Variants in ZNF717 observed in about 807,000 individuals in gnomAD.
ZNF717 encodes the protein krueppel-like factor X17.
Under a neutral mutation model 13.8 loss-of-function variants are expected in ZNF717, and 9 were observed. The ratio of observed to expected loss-of-function variants is 0.65; its 90% CI spans 0.39 to 1.14. The LOEUF (loss-of-function observed/expected upper bound fraction) is 1.14. Ranked by LOEUF, ZNF717 falls within the 50% of genes most tolerant of loss-of-function variation. The pLI is 0.01. For synonymous variants in ZNF717, 327 were observed against 364.1 expected (o/e 0.90, Z 1.16); for missense variants, 1,040 against 1,080.7 (o/e 0.96, Z 0.53).
intron 6 of ZNF717, among the ~76,000 whole-genome samples, chr3:75,703,415 A>G (rs1313447978): frequency 6.6e-6 from 1 of 152,286 alleles, no homozygotes; most frequent in Non-Finnish European, 1.5e-5. Flanking sequence ...CTGTAATCGC[A>G]GCTACTTGGG....
chr3:75,735,489 T>C (rs1364086159), downstream of ZNF717, among the ~76,000 whole-genome samples: 1 of 152,114 alleles, frequency 6.6e-6, no homozygotes, highest in African/African-American at 2.4e-5. Flanking sequence ...GGTATTGTGG[T>C]GCATACTTGT....
chr3:75,759,536 T>C lies in ZNF717; in HGVS notation c.58-17800A>G, dbSNP rs541065182. Among the ~76,000 whole-genome samples the C allele has an allele frequency of 5.3e-5, 8 of 152,256 alleles. No individual in the cohort carries two copies. The South Asian group carries it at 1.7e-3, about 32-fold the overall frequency. The stretch of plus-strand genomic sequence containing the variant: ...ATCTGCCTGCCTCAGCCTCCCAAAG[T>C]GCTGCGATTACAGGTGTGAGCCACC... On this transcript the variant is annotated intron_variant, in intron 2 of 4. Coordinates refer to ENST00000652011, the MANE Select transcript of ZNF717 (RefSeq NM_001290208.3).
chr3:75,775,139 T>A (rs867822090), intron 2 of ZNF717, among the ~76,000 whole-genome samples: 1 of 151,210 alleles, frequency 6.6e-6, no homozygotes, highest in South Asian at 2.1e-4. Flanking sequence ...TTTTTTTTTA[T>A]TTTTAATAGG....
intron 2 of ZNF717, among the ~76,000 whole-genome samples, chr3:75,769,814 C>T (rs1227283834): frequency 5.9e-5 from 9 of 152,096 alleles, no homozygotes; most frequent in African/African-American, 9.7e-5. Flanking sequence ...TCATTTTAAG[C>T]GGCTATCTGA....
rs1393930711 is a variant in ZNF717, at chr3:75,738,247, G to C, written c.1376C>G (p.Pro459Arg). Reference sequence around the variant, plus strand: ...CCTGAGGTTTGACTTATTGATAAAGGGTTTTCCACACTCATTACATTCATA... The same window carrying C: ...CCTGAGGTTTGACTTATTGATAAAGCGTTTTCCACACTCATTACATTCATA... ...KPYECNECGK[P>R]FINKSNLRLH... is the part of the protein sequence containing the mutation. The change falls in exon 5 of 5, where the codon CCC becomes CGC. Residue 459 changes from proline (P) to arginine (R), a missense_variant. This residue lies in a region of ZNF717 where 873 missense variants were observed against 832.8 expected (regional missense o/e 1.05). Transcript: ENST00000652011. The C allele has an allele frequency of 1.3e-6, 2 of 1,541,600 alleles. No homozygotes were observed. Among genetic ancestry groups the C allele is most frequent in the African/African-American group, 1.4e-5 (1 of 72,528 alleles).
chr3:75,781,197 C>A (rs111571308), intron 2 of ZNF717, among the ~76,000 whole-genome samples: 267 of 152,368 alleles, frequency 1.8e-3, no homozygotes, highest in African/African-American at 5.8e-3. Flanking sequence ...AGAGTATGCA[C>A]CTGGAACAAC....
chr3:75,773,757 CA>C (rs896635290), intron 2 of ZNF717, among the ~76,000 whole-genome samples: 1 of 79,890 alleles, frequency 1.3e-5, no homozygotes, highest in African/African-American at 3.3e-5. Flanking sequence ...CTATCTTTAA[CA>C]AAAAAAAATG....
At chr3:75,699,994 G>A (rs1387870320) in intron 6 of ZNF717, among the ~76,000 whole-genome samples, 1 of 152,300 alleles carries the variant, frequency 6.6e-6, no homozygotes, top group South Asian at 2.1e-4. Flanking sequence ...AATGAAAGAG[G>A]ACCCAAAAAT....
chr3:75,712,852 C>A (rs62247315), intron 5 of ZNF717, among the ~76,000 whole-genome samples: 2 of 152,062 alleles, frequency 1.3e-5, no homozygotes, highest in African/African-American at 4.8e-5. Context: ...AAAATTATTA[C>A]TTCTTTCTCA....
At chr3:75,710,797 G>A (rs1575715961) in exon 6 of ZNF717, 1 of 152,066 alleles carries the variant, frequency 6.6e-6, no homozygotes, top group African/African-American at 2.4e-5. Flanking sequence ...GAAAATTCAG[G>A]ATCTAGTATA....
chr3:75,775,365 C>T (rs1276042330), intron 2 of ZNF717, among the ~76,000 whole-genome samples: 1 of 152,200 alleles, frequency 6.6e-6, no homozygotes, highest in Non-Finnish European at 1.5e-5. Flanking sequence ...CAGTTAATTG[C>T]TTAATGGTGA....
chr3:75,784,164 C>T (rs1185960499), intron 1 of ZNF717, among the ~76,000 whole-genome samples: 1 of 152,188 alleles, frequency 6.6e-6, no homozygotes, highest in African/African-American at 2.4e-5. Flanking sequence ...TTAAACCAAC[C>T]AGGCTCAGTC....
At chr3:75,758,104 C>T (rs373255035) in intron 2 of ZNF717, among the ~76,000 whole-genome samples, 1 of 128,248 alleles carries the variant, frequency 7.8e-6, no homozygotes, top group South Asian at 2.6e-4. Context: ...CCAGGCAAGA[C>T]TCCATCTCAA....
intron 6 of ZNF717, among the ~76,000 whole-genome samples, chr3:75,701,700 T>C (rs1238559123): frequency 4.4e-4 from 67 of 152,268 alleles, no homozygotes; most frequent in African/African-American, 1.5e-3. Context: ...AATAAATAAA[T>C]AGATAACCCA....
chr3:75,729,284 A>G (rs1938375948), downstream of ZNF717, among the ~76,000 whole-genome samples: 1 of 152,258 alleles, frequency 6.6e-6, no homozygotes, highest in Non-Finnish European at 1.5e-5. Flanking sequence ...TCAGGTGGGC[A>G]GAAGGGTGAC....
intron 2 of ZNF717, among the ~76,000 whole-genome samples, chr3:75,742,901 TAC>T (rs1184160906): frequency 6.6e-6 from 1 of 152,242 alleles, no homozygotes; most frequent in Non-Finnish European, 1.5e-5. Context: ...TCCTCCTGTA[TAC>T]AGTCATGAGC....
chr3:75,777,675 A>T (rs145854423), intron 2 of ZNF717, among the ~76,000 whole-genome samples: 35 of 151,938 alleles, frequency 2.3e-4, no homozygotes, highest in African/African-American at 8.4e-4. Flanking sequence ...AAACAATGGG[A>T]GTGACTTGCA....
intron 4 of ZNF717, 146 bp downstream of exon 4, chr3:75,741,130 G>A: frequency 1.6e-6 from 1 of 611,864 alleles, no homozygotes; most frequent in East Asian, 2.8e-5. Context: ...AGTTACCCCT[G>A]GGGACTATAT....
intron 2 of ZNF717, among the ~76,000 whole-genome samples, chr3:75,779,934 G>T (rs1944676196): frequency 6.7e-6 from 1 of 149,930 alleles, no homozygotes; most frequent in Admixed American, 6.6e-5. Context: ...TGCTAAAACT[G>T]GAACCCAAAA....
Sources: allele counts gnomAD v4.1 joint callset (sites outside exome capture counted in the v4.1 genomes callset), GRCh38; gene constraint gnomAD v4.1.1; regional missense constraint gnomAD v4.1.1; transcripts MANE v1.5; gene names NCBI Gene and HGNC (gene_info 2026-07-23, HGNC 2026-07-21).